PTPN6: variants seen among roughly 807,000 people sequenced by gnomAD.
The protein encoded by PTPN6 is protein tyrosine phosphatase non-receptor type 6.
PTPN6 carries 18 observed loss-of-function variants against 81.5 expected under a neutral mutation model. The observed-to-expected ratio is 0.22, with a 90% confidence interval of 0.15 to 0.33. PTPN6 has a LOEUF of 0.33. PTPN6 is among the 10% of genes least tolerant of loss of function. The pLI is 1.00. For missense variants in PTPN6, 500 were observed against 794.2 expected (o/e 0.63, Z 4.45); for synonymous variants, 301 against 310.9 (o/e 0.97, Z 0.33).
chr12:6,946,662 G>A, upstream of PTPN6: 1 of 1,422,164 alleles, frequency 7.0e-7, no homozygotes, highest in South Asian at 1.2e-5. Flanking sequence ...GTGCACAGCT[G>A]TGCCGCTGGC....
chr12:6,959,712 C>A lies in PTPN6; in HGVS notation c.1362-215C>A. The A allele has an allele frequency of 1.6e-6, 1 of 610,486 alleles. No individual in the cohort carries two copies. The highest frequency in any genetic ancestry group is 2.9e-6 in the Non-Finnish European group (1 of 342,646). 37.8% of individuals were successfully genotyped at this position (610,486 alleles called of 1,614,324 possible). ...GGGAAGGATGGTGGCAGCTGGGGAGCCAGCGTCAGCACCGCAGAGCCCGAG... is the reference window on the plus strand; with the variant it reads ...GGGAAGGATGGTGGCAGCTGGGGAGACAGCGTCAGCACCGCAGAGCCCGAG... On this transcript the variant is annotated intron_variant, in intron 11 of 15. Transcript: ENST00000318974. The surrounding 1 kb of genome is among the most constrained non-coding windows in gnomAD (Gnocchi z 6.6).
In PTPN6 at chr12:6,956,576, G is replaced by A. The variant is rs781957663; in HGVS notation, c.1074+8G>A. On this transcript the variant is annotated splice_region_variant and intron_variant, in intron 9 of 15. Coordinates refer to ENST00000318974, the MANE Select transcript of PTPN6 (RefSeq NM_002831.6). This position sits in a 1 kb window ranked among gnomAD's most constrained non-coding sequence, Gnocchi z 4.1. Reference sequence around the variant, plus strand: ...GAGGTGGAGAAAGGCCGGGTAGGGCGCCCCCCCTTCCCCGCATCCGCCCCC... The same window carrying A: ...GAGGTGGAGAAAGGCCGGGTAGGGCACCCCCCCTTCCCCGCATCCGCCCCC... 6.2e-6 allele frequency: 10 copies of A among 1,612,972 alleles called. No homozygotes were observed. Among genetic ancestry groups the A allele is most frequent in the African/African-American group, 4.0e-5 (3 of 74,788 alleles).
chr12:6,953,521 T>G (rs929634410), intron 3 of PTPN6: 1 of 152,240 alleles, frequency 6.6e-6, no homozygotes, highest in Admixed American at 6.5e-5. Flanking sequence ...GGAGGCCCTT[T>G]TGGGTGACCC....
Position 6,957,210 on chromosome 12 carries a change from C to T in PTPN6, c.1075-444C>T, listed in dbSNP as rs111350751. On this transcript the variant is annotated intron_variant, in intron 9 of 15. Coordinates refer to ENST00000318974, the MANE Select transcript of PTPN6 (RefSeq NM_002831.6). The surrounding 1 kb of genome is among the most constrained non-coding windows in gnomAD (Gnocchi z 6.5). Reference sequence around the variant, plus strand: ...GATGCCTCGTTTTTGAAGACACAGCCGGAGCGCTGCCTCCTCTGTGAATCC... The same window carrying T: ...GATGCCTCGTTTTTGAAGACACAGCTGGAGCGCTGCCTCCTCTGTGAATCC... Among the ~76,000 whole-genome samples the T allele has an allele frequency of 1.5e-3, 228 of 152,328 alleles. 1 individual carries two copies. Among genetic ancestry groups the T allele is most frequent in the Non-Finnish European group, 2.8e-3 (189 of 68,024 alleles).
chr12:6,948,434 CA>C (rs1262721721), upstream of PTPN6, among the ~76,000 whole-genome samples: 450 of 45,436 alleles, frequency 9.9e-3, no homozygotes, highest in South Asian at 0.063. Flanking sequence ...GATTCTGTGT[CA>C]AAAAAAAAAA....
At position 6,960,858 on chromosome 12, in the gene PTPN6, A is replaced by G. The variant is rs1288467058; in HGVS notation, c.1726A>G (p.Lys576Glu). The G allele has an allele frequency of 6.3e-7, 1 of 1,581,426 alleles. No individual in the cohort carries two copies. The highest frequency in any genetic ancestry group is 1.3e-5 in the African/African-American group (1 of 74,182). ...NLHTKNKREE[K>E]VKKQRSADKE... Reference sequence around the variant, plus strand: ...GCACACTAAGAACAAGAGGGAGGAGAAAGTGAAGAAGCAGCGGTCAGCAGA... The same window carrying G: ...GCACACTAAGAACAAGAGGGAGGAGGAAGTGAAGAAGCAGCGGTCAGCAGA... The change falls in exon 15 of 16, where the codon AAA becomes GAA. Residue 576 changes from lysine (K) to glutamate (E), a missense_variant. By Grantham distance (56) the Lys-to-Glu change is moderately conservative. Coordinates refer to ENST00000318974, the MANE Select transcript of PTPN6 (RefSeq NM_002831.6). This position sits in a 1 kb window ranked among gnomAD's most constrained non-coding sequence, Gnocchi z 6.1.
upstream of PTPN6, among the ~76,000 whole-genome samples, chr12:6,948,517 C>T (rs1271848487): frequency 1.3e-4 from 13 of 99,942 alleles, no homozygotes; most frequent in Non-Finnish European, 2.7e-4. Flanking sequence ...AAGGAAAGAG[C>T]GAGAAAGAAG....
chr12:6,950,270 A>G (rs1284151223), upstream of PTPN6, among the ~76,000 whole-genome samples: 11 of 151,958 alleles, frequency 7.2e-5, no homozygotes, highest in East Asian at 1.2e-3. Context: ...CCTGTCCTCC[A>G]GCCACCCAGT....
chr12:6,959,875 C>T lies in PTPN6; in HGVS notation c.1362-52C>T, dbSNP rs1020773972. 1.9e-6 allele frequency: 3 copies of T among 1,598,842 alleles called. No individual in the cohort carries two copies. The highest frequency in any genetic ancestry group is 3.3e-5 in the Admixed American group (2 of 60,004). Reference sequence around the variant, plus strand: ...CTGGAGCTGAGCGCTGGGTACCCCCCTTCCCGGGGAGGGCTTGACTGGCCT... The same window carrying T: ...CTGGAGCTGAGCGCTGGGTACCCCCTTTCCCGGGGAGGGCTTGACTGGCCT... On this transcript the variant is annotated intron_variant, in intron 11 of 15. Transcript: ENST00000318974. The surrounding 1 kb of genome is among the most constrained non-coding windows in gnomAD (Gnocchi z 6.6).
Position 6,960,426 on chromosome 12 carries a change from C to A in PTPN6, c.1664C>A (p.Thr555Asn). 6.2e-7 allele frequency: 1 copy of A among 1,613,764 alleles called. No individual in the cohort carries two copies. ...MKNAHAKASRTSSKHKEDVYE... is the reference protein window; with the variant it reads ...MKNAHAKASRNSSKHKEDVYE... ...AATGCCCATGCCAAGGCCTCCCGCA[C>A]CTCGTCCAAGTGAGTGGCCCTGACT... The change falls in exon 14 of 16, where the codon ACC becomes AAC. Residue 555 changes from threonine (T) to asparagine (N), a missense_variant. By Grantham distance (65) the Thr-to-Asn change is moderately conservative (BLOSUM62 0). Coordinates refer to ENST00000318974, the MANE Select transcript of PTPN6 (RefSeq NM_002831.6). The surrounding 1 kb of genome is among the most constrained non-coding windows in gnomAD (Gnocchi z 6.1).
At position 6,956,436 on chromosome 12, in the gene PTPN6, T is replaced by C; in HGVS notation, c.942T>C (p.Pro314=). The C allele has an allele frequency of 6.2e-7, 1 of 1,614,122 alleles. No homozygotes were observed. Residue 314 remains proline (P), a synonymous_variant, in exon 9 of 16, where the codon CCT becomes CCC. Coordinates refer to ENST00000318974, the MANE Select transcript of PTPN6 (RefSeq NM_002831.6). The surrounding 1 kb of genome is among the most constrained non-coding windows in gnomAD (Gnocchi z 4.1). ...GCGTCCAGAACCAGCTGCTAGGCCC[T>C]GATGAGAACGCTAAGACCTACATCG... ...ANYIKNQLLG[P]DENAKTYIAS...
chr12:6,947,756 CA>C (rs1945853461), upstream of PTPN6, among the ~76,000 whole-genome samples: 4 of 151,480 alleles, frequency 2.6e-5, no homozygotes, highest in South Asian at 8.3e-4. Context: ...CTGGAGGGAT[CA>C]GGGAGGCCTT....
rs782316524 is a variant in PTPN6, at chr12:6,952,121, C to T, written c.270C>T (p.Asp90=). ...TQQQGVLQDR[D]GTIIHLKYPL... Reference sequence around the variant, plus strand: ...AGCAGGGTGTCCTGCAGGACCGCGACGGCACCATCATCCACCTCAAGTACC... The same window carrying T: ...AGCAGGGTGTCCTGCAGGACCGCGATGGCACCATCATCCACCTCAAGTACC... The change falls in exon 3 of 16, where the codon GAC becomes GAT. Residue 90 remains aspartate, a synonymous_variant. Coordinates refer to ENST00000318974, the MANE Select transcript of PTPN6 (RefSeq NM_002831.6). The surrounding 1 kb of genome is among the most constrained non-coding windows in gnomAD (Gnocchi z 8.1). 1.3e-5 allele frequency: 21 copies of T among 1,614,016 alleles called. No individual in the cohort carries two copies. Among genetic ancestry groups the T allele is most frequent in the Admixed American group, 1.7e-5 (1 of 60,002 alleles).
At position 6,960,267 on chromosome 12, in the gene PTPN6, G is replaced by GGT. The variant is rs782248675; in HGVS notation, c.1581+29_1581+30insTG. On this transcript the variant is annotated intron_variant, in intron 13 of 15. Transcript: ENST00000318974. This position sits in a 1 kb window ranked among gnomAD's most constrained non-coding sequence, Gnocchi z 6.1. ...GCGTGCAGAGCAGGGCCTGGGGGGGGGGGGGGCTGCAGTGCAGGATGGGTG... is the reference window on the plus strand; with the variant it reads ...GCGTGCAGAGCAGGGCCTGGGGGGGGGTGGGGGGCTGCAGTGCAGGATGGGTG... 6.8e-6 allele frequency: 11 copies of GGT among 1,607,118 alleles called. No individual in the cohort carries two copies. In the Middle Eastern group the frequency reaches 4.9e-4, roughly 72 times the overall value.
At chr12:6,950,903 G>C (rs940404889), upstream of PTPN6, among the ~76,000 whole-genome samples, 9 of 152,158 alleles carry the variant, frequency 5.9e-5, no homozygotes, top group African/African-American at 2.2e-4. Context: ...GATAGCCCCT[G>C]TTTCATAGGG....
chr12:6,956,470 G>A lies in PTPN6; in HGVS notation c.976G>A (p.Gly326Ser). The change falls in exon 9 of 16, where the codon GGT (glycine) becomes AGT (serine). Residue 326 changes from glycine (G) to serine (S), a missense_variant. By Grantham distance (56) the Gly-to-Ser change is moderately conservative. Transcript: ENST00000318974. This position sits in a 1 kb window ranked among gnomAD's most constrained non-coding sequence, Gnocchi z 4.1. ...CGCTAAGACCTACATCGCCAGCCAG[G>A]GTTGTCTGGAGGCCACGGTCAATGA... is the stretch of plus-strand genomic sequence containing the variant. ...ENAKTYIASQ[G>S]CLEATVNDFW... 1 of 1,614,100 alleles carries A rather than the reference G, an allele frequency of 6.2e-7. No homozygotes were observed. Among genetic ancestry groups the A allele is most frequent in the Non-Finnish European group, 8.5e-7 (1 of 1,180,032 alleles).
Position 6,960,389 on chromosome 12 carries a change from C to A in PTPN6, c.1627C>A (p.Pro543Thr). 1 of 1,613,860 alleles carries A rather than the reference C, an allele frequency of 6.2e-7. No individual in the cohort carries two copies. Among genetic ancestry groups the A allele is most frequent in the Non-Finnish European group, 8.5e-7 (1 of 1,179,998 alleles). The part of the protein sequence containing the change: ...ESEYGNITYP[P>T]AMKNAHAKAS... ...GGAGTACGGGAACATCACCTATCCC[C>A]CAGCCATGAAGAATGCCCATGCCAA... Residue 543 changes from proline to threonine, a missense_variant, in exon 14 of 16, where the codon CCA (proline) becomes ACA (threonine). Coordinates refer to ENST00000318974, the MANE Select transcript of PTPN6 (RefSeq NM_002831.6). The surrounding 1 kb of genome is among the most constrained non-coding windows in gnomAD (Gnocchi z 6.1).
chr12:6,955,870 C>G lies in PTPN6; in HGVS notation c.844+114C>G, dbSNP rs374132057. On this transcript the variant is annotated intron_variant, in intron 7 of 15. Transcript: ENST00000318974. This position sits in a 1 kb window ranked among gnomAD's most constrained non-coding sequence, Gnocchi z 7.2. ...AGGAGGGGCCATCTCCCCACACCCC[C>G]CACAGAGCCTCCCCCTTCTCCAAAA... 1.5e-4 allele frequency: 149 copies of G among 1,015,250 alleles called. No homozygotes were observed. The highest frequency in any genetic ancestry group is 1.3e-3 in the African/African-American group (82 of 63,180). The allele number at this position is 1,015,250 out of a possible 1,614,324, so 62.9% of individuals were successfully genotyped here.
chr12:6,960,970 C>T lies in PTPN6; in HGVS notation c.*25+25C>T. On this transcript the variant is annotated intron_variant, in intron 15 of 15. Coordinates refer to ENST00000318974, the MANE Select transcript of PTPN6 (RefSeq NM_002831.6). This position sits in a 1 kb window ranked among gnomAD's most constrained non-coding sequence, Gnocchi z 6.1. ...GGTACAGCTCTTCTGCCTGGGTGTCCTCCCTGCCCTGCCCTGTGTCCTTGG... is the reference window on the plus strand; with the variant it reads ...GGTACAGCTCTTCTGCCTGGGTGTCTTCCCTGCCCTGCCCTGTGTCCTTGG... 2 of 1,552,082 alleles carry T rather than the reference C, an allele frequency of 1.3e-6. No individual in the cohort carries two copies. Among genetic ancestry groups the T allele is most frequent in the Non-Finnish European group, 1.7e-6 (2 of 1,148,088 alleles).
Sources: allele counts gnomAD v4.1 joint callset (sites outside exome capture counted in the v4.1 genomes callset), GRCh38; gene constraint gnomAD v4.1.1; non-coding constraint Gnocchi (gnomAD v3.1); transcripts MANE v1.5; gene names NCBI Gene and HGNC (gene_info 2026-07-23, HGNC 2026-07-21).